The following PTPN13 variants were observed in gnomAD, a reference collection of about 807,000 sequenced individuals.
The protein encoded by PTPN13 is protein tyrosine phosphatase non-receptor type 13, also known as tyrosine-protein phosphatase non-receptor type 13.
PTPN13 carries 191 observed loss-of-function variants against 284.0 expected under a neutral mutation model. The ratio of observed to expected loss-of-function variants is 0.67; its 90% CI spans 0.60 to 0.76. PTPN13 has a LOEUF of 0.76. Ranked by LOEUF, PTPN13 falls within the 30% of genes least tolerant of loss-of-function variation. The pLI is 0.00. For missense variants in PTPN13, 2,797 were observed against 2,939.9 expected (o/e 0.95, Z 1.12); for synonymous variants, 986 against 1,022.3 (o/e 0.96, Z 0.68).
intron 9 of PTPN13, among the ~76,000 whole-genome samples, chr4:86,721,928 G>T (rs546270939): frequency 6.6e-6 from 1 of 151,682 alleles, no homozygotes; most frequent in South Asian, 2.1e-4. Flanking sequence ...GTATTTTTTT[G>T]TAGAGACAGG....
chr4:86,799,825 C>CTTTTT (rs925434357), intron 42 of PTPN13, among the ~76,000 whole-genome samples: 6 of 83,232 alleles, frequency 7.2e-5, no homozygotes, highest in Non-Finnish European at 9.3e-5. Flanking sequence ...TCAAGGGGCA[C>CTTTTT]TTTTTTTTTT....
intron 3 of PTPN13, among the ~76,000 whole-genome samples, chr4:86,685,748 A>T (rs567958393): frequency 2.0e-5 from 3 of 152,356 alleles, no homozygotes; most frequent in South Asian, 4.1e-4. Context: ...AAACATGTGG[A>T]AAAACTCTTA....
In PTPN13 at chr4:86,730,724, C is replaced by G. The variant is rs2149122810; in HGVS notation, c.1609-1676C>G. ...TACAGTTTGTCTCAGCTTCCCTTGG[C>G]TAGGAAAGGGAAATCCCTCTATCCC... On this transcript the variant is annotated intron_variant, in intron 10 of 47. Transcript: ENST00000411767. 1.4e-5 allele frequency among the ~76,000 whole-genome samples: 2 copies of G among 141,054 alleles called. 1 individual carries two copies. The highest frequency in any genetic ancestry group is 4.4e-4 in the South Asian group (2 of 4,576). 92.5% of individuals were successfully genotyped at this position (141,054 alleles called of 152,430 possible). A position where few individuals can be genotyped will look rare whatever the true frequency, so the allele number is the denominator to read the frequency against.
intron 1 of PTPN13, among the ~76,000 whole-genome samples, chr4:86,598,655 T>C (rs1396399542): frequency 3.9e-5 from 6 of 152,276 alleles, no homozygotes; most frequent in Admixed American, 3.9e-4. Flanking sequence ...TAAATGTCTT[T>C]TGTTGCATAC....
intron 12 of PTPN13, among the ~76,000 whole-genome samples, chr4:86,733,553 A>G (rs994506128): frequency 2.0e-5 from 3 of 152,092 alleles, no homozygotes; most frequent in Admixed American, 2.0e-4. Flanking sequence ...TTATTGAATT[A>G]TTGTGCCTTA....
chr4:86,741,542 G>A, intron 15 of PTPN13, 92 bp from the exon 16 acceptor site: 1 of 1,125,908 alleles, frequency 8.9e-7, no homozygotes. Flanking sequence ...AGATTTGTGG[G>A]GGGACACGGC....
At chr4:86,682,678 T>C (rs988941797) in intron 3 of PTPN13, among the ~76,000 whole-genome samples, 10 of 152,186 alleles carry the variant, frequency 6.6e-5, no homozygotes, top group African/African-American at 2.4e-4. Context: ...ATTAACCAGA[T>C]GAACTAAGCA....
rs546546734 is a variant in PTPN13 at position 86,748,304 on chromosome 4, A to G, written c.2651-2166A>G. Among the ~76,000 whole-genome samples the G allele has an allele frequency of 6.6e-5, 10 of 152,302 alleles. No homozygotes were observed. The East Asian group carries it at 1.7e-3, about 26-fold the overall frequency. On this transcript the variant is annotated intron_variant, in intron 17 of 47. Transcript: ENST00000411767. ...AAATTTGAAACATTAGTATTAGGAT[A>G]CAGGCTCATTCTAATCTATGTTGGA...
chr4:86,804,917 C>A (rs1436559170), intron 43 of PTPN13, among the ~76,000 whole-genome samples: 1 of 152,166 alleles, frequency 6.6e-6, no homozygotes, highest in Non-Finnish European at 1.5e-5. Flanking sequence ...TTCTATAACC[C>A]TTACAGACTA....
In PTPN13 at chr4:86,750,663, C is replaced by T. The variant is rs544428247; in HGVS notation, c.2844C>T (p.Asn948=). 3.1e-5 allele frequency: 50 copies of T among 1,613,948 alleles called. No homozygotes were observed. The highest frequency in any genetic ancestry group is 8.3e-5 in the Admixed American group (5 of 60,022). The change falls in exon 18 of 48, where the codon AAC becomes AAT. Residue 948 remains asparagine (N), a synonymous_variant. Coordinates refer to ENST00000411767, the MANE Select transcript of PTPN13 (RefSeq NM_080683.3). ...TGTCGCTTTACCAGCCATTGCAAAA[C>T]AGTTCAAAAGAGAAGAATGACAAAG... ...SELSLYQPLQ[N]SSKEKNDKAS...
chr4:86,796,967 GTCTA>G (rs761566715), intron 41 of PTPN13, 38 bp downstream of exon 41: 1 of 1,194,990 alleles, frequency 8.4e-7, no homozygotes, highest in East Asian at 2.5e-5. Flanking sequence ...TAATGCTTCT[GTCTA>G]TCTATAAATG....
At chr4:86,602,690 T>TG (rs1181456993) in intron 1 of PTPN13, among the ~76,000 whole-genome samples, 2 of 151,438 alleles carry the variant, frequency 1.3e-5, no homozygotes, top group Non-Finnish European at 2.9e-5. Context: ...TAATTATTTT[T>TG]CTGATTTTTT....
At chr4:86,800,853 C>G (rs6816011) in intron 42 of PTPN13, among the ~76,000 whole-genome samples, 59 of 152,302 alleles carry the variant, frequency 3.9e-4, no homozygotes, top group African/African-American at 1.3e-3. Flanking sequence ...CCTTTAAGTT[C>G]CTGTTGCACT....
intron 1 of PTPN13, among the ~76,000 whole-genome samples, chr4:86,620,326 C>A (rs992687748): frequency 3.9e-5 from 6 of 152,106 alleles, no homozygotes; most frequent in Admixed American, 2.0e-4. Flanking sequence ...CCACCATAGC[C>A]AGCTAATTTT....
intron 1 of PTPN13, among the ~76,000 whole-genome samples, chr4:86,614,225 A>G (rs1312193317): frequency 6.6e-6 from 1 of 152,174 alleles, no homozygotes; most frequent in Admixed American, 6.5e-5. Context: ...CTGAACAGAA[A>G]AACAACCCAA....
chr4:86,797,733 A>T (rs962734826), intron 41 of PTPN13, among the ~76,000 whole-genome samples: 7 of 151,820 alleles, frequency 4.6e-5, no homozygotes, highest in African/African-American at 1.5e-4. Context: ...ATACTTCAAA[A>T]TTTTTTAATT....
rs1736569176 is a variant in PTPN13, at chr4:86,744,974, A to C, written c.2496A>C (p.Lys832Asn). ...ETKKISFSKK[K>N]ITLQNTSDGI... is the part of the protein sequence containing the mutation. ...CTTGGTTAATATTGTAGAAAAAGAA[A>C]ATCACATTGCAAAATACATCAGATG... The change falls in exon 17 of 48, where the codon AAA becomes AAC. Residue 832 changes from lysine (K) to asparagine (N), a missense_variant. Transcript: ENST00000411767. The C allele has an allele frequency of 1.3e-6, 2 of 1,564,920 alleles. No homozygotes were observed. Among genetic ancestry groups the C allele is most frequent in the Middle Eastern group, 1.7e-4 (1 of 6,022 alleles).
At chr4:86,792,652 A>G (rs528343736) in intron 40 of PTPN13, among the ~76,000 whole-genome samples, 1 of 152,338 alleles carries the variant, frequency 6.6e-6, no homozygotes, top group Non-Finnish European at 1.5e-5. Flanking sequence ...TCAGAATAAC[A>G]GCGATCTCTC....
chr4:86,629,447 A>C (rs1041503275), intron 1 of PTPN13, among the ~76,000 whole-genome samples: 1 of 151,720 alleles, frequency 6.6e-6, no homozygotes, highest in Admixed American at 6.6e-5. Context: ...GTCAGGAAAC[A>C]ACAGGTGCTG....
Sources: gnomAD v4.1 joint callset for allele counts (sites outside exome capture counted in the v4.1 genomes callset) on GRCh38, gnomAD v4.1.1 for gene constraint, MANE v1.5 for transcripts, NCBI Gene and HGNC (gene_info 2026-07-23, HGNC 2026-07-21) for gene names.